Variants in SPECC1L observed in about 807,000 individuals in gnomAD.
The protein encoded by SPECC1L is cytospin-A.
A neutral mutation model predicts 116.8 loss-of-function variants in SPECC1L; 40 were observed. The ratio of observed to expected loss-of-function variants is 0.34; its 90% CI spans 0.27 to 0.45. SPECC1L has a LOEUF of 0.45. Among genes scored for constraint, SPECC1L ranks in the 20% least tolerant of loss-of-function variants. The pLI is 1.00. For missense variants in SPECC1L, 1,110 were observed against 1,373.6 expected (o/e 0.81, Z 3.03); for synonymous variants, 504 against 500.6 (o/e 1.01, Z -0.09).
chr22:24,384,075 C>A (rs2042115566), intron 14 of SPECC1L, among the ~76,000 whole-genome samples: 1 of 150,138 alleles, frequency 6.7e-6, no homozygotes, highest in Admixed American at 6.6e-5. Context: ...AAGAAATATC[C>A]ACAGTGAAGC....
intron 14 of SPECC1L, among the ~76,000 whole-genome samples, chr22:24,392,778 G>A (rs2146742255): frequency 6.6e-6 from 1 of 152,300 alleles, no homozygotes; most frequent in South Asian, 2.1e-4. Context: ...TACAGTTTGG[G>A]TGGGGCTTAG....
At chr22:24,318,756 C>G (rs1601546948) in intron 4 of SPECC1L, among the ~76,000 whole-genome samples, 2 of 152,122 alleles carry the variant, frequency 1.3e-5, no homozygotes, top group Admixed American at 6.5e-5. Context: ...TGGTGAAACC[C>G]CGTCTCTACA....
At chr22:24,403,546 T>A (rs2042523230) in intron 14 of SPECC1L, among the ~76,000 whole-genome samples, 1 of 152,238 alleles carries the variant, frequency 6.6e-6, no homozygotes, top group Admixed American at 6.5e-5. Flanking sequence ...AGGGCTCTGC[T>A]GGCCTCCATC....
chr22:24,396,791 C>A (rs1379511104), intron 14 of SPECC1L, among the ~76,000 whole-genome samples: 1 of 152,178 alleles, frequency 6.6e-6, no homozygotes, highest in Non-Finnish European at 1.5e-5. Flanking sequence ...TCCATAGGGT[C>A]CTCAACACTC....
intron 2 of SPECC1L, among the ~76,000 whole-genome samples, chr22:24,278,871 A>C (rs551498998): frequency 3.3e-5 from 5 of 152,324 alleles, no homozygotes; most frequent in Non-Finnish European, 5.9e-5. Context: ...GTTAATGTGG[A>C]TCTGGAGTTT....
intron 14 of SPECC1L, among the ~76,000 whole-genome samples, chr22:24,403,169 A>T (rs1214197651): frequency 6.6e-6 from 1 of 152,206 alleles, no homozygotes; most frequent in African/African-American, 2.4e-5. Flanking sequence ...TGCCCTTAGG[A>T]GAAAATGGGG....
At chr22:24,371,159 A>G (rs1382516609) in intron 14 of SPECC1L, among the ~76,000 whole-genome samples, 1 of 152,230 alleles carries the variant, frequency 6.6e-6, no homozygotes, top group East Asian at 1.9e-4. Context: ...CAGCAAGGGA[A>G]TAGAAGACTT....
intron 11 of SPECC1L, among the ~76,000 whole-genome samples, chr22:24,349,328 C>T (rs2041372293): frequency 6.6e-6 from 1 of 152,216 alleles, no homozygotes; most frequent in Admixed American, 6.5e-5. Context: ...AGGCATGAGC[C>T]ACCGCACCCG....
At chr22:24,316,719 T>C (rs1210281871) in intron 4 of SPECC1L, among the ~76,000 whole-genome samples, 3 of 149,880 alleles carry the variant, frequency 2.0e-5, no homozygotes, top group Admixed American at 2.0e-4. Flanking sequence ...TCTCAATCTT[T>C]TCCCCACCTT....
Position 24,322,521 on chromosome 22 carries a change from A to G in SPECC1L, c.1541A>G (p.Gln514Arg). The change falls in exon 5 of 17, where the codon CAG (glutamine) becomes CGG (arginine). Residue 514 changes from glutamine (Q) to arginine (R), a missense_variant. Coordinates refer to ENST00000314328, the MANE Select transcript of SPECC1L (RefSeq NM_015330.6). ...FEREQLLGVQ[Q>R]HLSNTLKMAE... is the part of the protein sequence containing the mutation. ...CGGGAGCAGCTTCTTGGTGTCCAGC[A>G]GCATTTAAGCAATACTTTGAAAATG... is the stretch of plus-strand genomic sequence containing the variant. 1.1e-5 allele frequency: 17 copies of G among 1,614,220 alleles called. No homozygotes were observed. The highest frequency in any genetic ancestry group is 1.4e-5 in the Non-Finnish European group (17 of 1,180,036).
intron 14 of SPECC1L, among the ~76,000 whole-genome samples, chr22:24,380,856 T>A (rs1425053536): frequency 6.6e-6 from 1 of 151,176 alleles, no homozygotes. Flanking sequence ...AAGGGTTGGG[T>A]CTTCCTTTTT....
At chr22:24,284,108 C>A (rs1218869065) in intron 2 of SPECC1L, among the ~76,000 whole-genome samples, 6 of 152,012 alleles carry the variant, frequency 3.9e-5, no homozygotes, top group Non-Finnish European at 7.4e-5. Context: ...TTATTCTTTT[C>A]TTCTCCATAC....
intron 11 of SPECC1L, among the ~76,000 whole-genome samples, chr22:24,349,207 A>G (rs1197936437): frequency 6.6e-6 from 1 of 151,918 alleles, no homozygotes; most frequent in Non-Finnish European, 1.5e-5. Flanking sequence ...CACCCAGCTA[A>G]TTTTTGTATT....
chr22:24,393,035 G>A (rs2146743539), intron 14 of SPECC1L, among the ~76,000 whole-genome samples: 1 of 152,304 alleles, frequency 6.6e-6, no homozygotes, highest in East Asian at 1.9e-4. Flanking sequence ...CCCCACCTTT[G>A]ATGACACAGT....
chr22:24,337,581 G>T (rs762224857), intron 9 of SPECC1L, among the ~76,000 whole-genome samples: 6 of 152,080 alleles, frequency 3.9e-5, no homozygotes, highest in Non-Finnish European at 8.8e-5. Flanking sequence ...TATGTTTTGT[G>T]AATTTTGTCT....
In SPECC1L at chr22:24,322,925, T is replaced by C. The variant is rs759819449; in HGVS notation, c.1938+7T>C. 2 of 1,613,642 alleles carry C rather than the reference T, an allele frequency of 1.2e-6. No homozygotes were observed. Among genetic ancestry groups the C allele is most frequent in the South Asian group, 2.2e-5 (2 of 91,070 alleles). On this transcript the variant is annotated splice_region_variant and intron_variant, in intron 5 of 16. Coordinates refer to ENST00000314328, the MANE Select transcript of SPECC1L (RefSeq NM_015330.6). Reference sequence around the variant, plus strand: ...ACAGGATGCCATTGCTAAGGTATTGTTTAAATAGATTAAAATGTTCCGGAC... The same window carrying C: ...ACAGGATGCCATTGCTAAGGTATTGCTTAAATAGATTAAAATGTTCCGGAC...
At chr22:24,348,080 T>C (rs2041339192) in intron 11 of SPECC1L, among the ~76,000 whole-genome samples, 1 of 152,142 alleles carries the variant, frequency 6.6e-6, no homozygotes, top group Non-Finnish European at 1.5e-5. Context: ...TCATGTGAGG[T>C]ACTAAAGTGC....
At chr22:24,330,212 T>C in intron 7 of SPECC1L, 44 bp from the exon 8 acceptor site, 1 of 1,596,674 alleles carries the variant, frequency 6.3e-7, no homozygotes, top group Admixed American at 1.7e-5. Context: ...AAATAAATCT[T>C]GATTGCTCTC....
At chr22:24,384,065 AAG>A (rs1349420868) in intron 14 of SPECC1L, among the ~76,000 whole-genome samples, 2 of 152,080 alleles carry the variant, frequency 1.3e-5, no homozygotes, top group Admixed American at 6.5e-5. Flanking sequence ...ATTGATCAGT[AAG>A]AAATATCCAC....
Sources: gnomAD v4.1 joint callset for allele counts (sites outside exome capture counted in the v4.1 genomes callset) on GRCh38, gnomAD v4.1.1 for gene constraint, MANE v1.5 for transcripts, NCBI Gene and HGNC (gene_info 2026-07-23, HGNC 2026-07-21) for gene names.